PSD3: variants seen among roughly 807,000 people sequenced by gnomAD.
PSD3 encodes the protein pleckstrin and Sec7 domain containing 3.
A neutral mutation model predicts 105.5 loss-of-function variants in PSD3; 49 were observed. The observed-to-expected ratio is 0.46, with a 90% CI of 0.37 to 0.59. The LOEUF (loss-of-function observed/expected upper bound fraction) is 0.59. PSD3 is among the 20% of genes least tolerant of loss of function. The pLI, the probability that PSD3 is intolerant of heterozygous loss-of-function variation, is 0.00. For synonymous variants in PSD3, 557 were observed against 457.8 expected (o/e 1.22, Z -2.77); for missense variants, 1,561 against 1,263.8 (o/e 1.24, Z -3.57).
At chr8:18,746,347 C>T (rs1160307159) in intron 9 of PSD3, among the ~76,000 whole-genome samples, 3 of 152,184 alleles carry the variant, frequency 2.0e-5, no homozygotes, top group Non-Finnish European at 4.4e-5. Context: ...TGCTGAAAGC[C>T]GTTTTCATAA....
intron 1 of PSD3, among the ~76,000 whole-genome samples, chr8:19,071,062 T>C (rs1057148767): frequency 1.8e-4 from 28 of 152,010 alleles, no homozygotes; most frequent in African/African-American, 6.3e-4. Flanking sequence ...TCTTTTTTTT[T>C]TGGAAGGGGG....
At chr8:18,971,962 G>A (rs1824679292) in intron 1 of PSD3, among the ~76,000 whole-genome samples, 3 of 152,004 alleles carry the variant, frequency 2.0e-5, no homozygotes, top group African/African-American at 4.8e-5. Context: ...CCGAGATCAC[G>A]CCACAGCACA....
At chr8:18,857,700 T>C (rs1323743596) in intron 4 of PSD3, among the ~76,000 whole-genome samples, 1 of 152,200 alleles carries the variant, frequency 6.6e-6, no homozygotes, top group African/African-American at 2.4e-5. Flanking sequence ...CTTGGACCTC[T>C]TGGTAAAATG....
chr8:19,081,148 C>G (rs1343297267), intron 1 of PSD3, among the ~76,000 whole-genome samples: 1 of 152,218 alleles, frequency 6.6e-6, no homozygotes, highest in Non-Finnish European at 1.5e-5. Context: ...CTGATTCACA[C>G]TGACAGACTC....
intron 9 of PSD3, among the ~76,000 whole-genome samples, chr8:18,682,886 CTG>C (rs771415585): frequency 1.8e-4 from 28 of 152,220 alleles, no homozygotes; most frequent in Non-Finnish European, 3.5e-4. Flanking sequence ...TGAAATGACA[CTG>C]AGATCCACCT....
At chr8:18,538,383 G>T (rs929185290) in intron 15 of PSD3, among the ~76,000 whole-genome samples, 1 of 152,192 alleles carries the variant, frequency 6.6e-6, no homozygotes, top group African/African-American at 2.4e-5. Context: ...GATGCACTAT[G>T]AAATCAGAGG....
intron 9 of PSD3, among the ~76,000 whole-genome samples, chr8:18,728,397 C>T (rs1426119585): frequency 6.6e-6 from 1 of 152,138 alleles, no homozygotes; most frequent in Non-Finnish European, 1.5e-5. Flanking sequence ...AGAAAGAACA[C>T]TTAGACTTTG....
At chr8:19,073,257 T>C (rs1393320897) in intron 1 of PSD3, among the ~76,000 whole-genome samples, 1 of 152,072 alleles carries the variant, frequency 6.6e-6, no homozygotes, top group African/African-American at 2.4e-5. Flanking sequence ...GCTTCATGAT[T>C]AAGACAGGCC....
In PSD3 at chr8:18,871,892, T is replaced by C. The variant is rs1269803068; in HGVS notation, c.972A>G (p.Thr324=). 6 of 1,614,228 alleles carry C rather than the reference T, an allele frequency of 3.7e-6. No homozygotes were observed. Among genetic ancestry groups the C allele is most frequent in the East Asian group, 4.5e-5 (2 of 44,884 alleles). The change falls in exon 3 of 16, where the codon ACA becomes ACG. Residue 324 remains threonine, a synonymous_variant. Transcript: ENST00000327040. The part of the protein sequence containing the change: ...RETQHPIDFE[T]SLQRTASPDS... ...CAGGAGAGGCTGTTCTTTGCAGTGA[T>C]GTCTCAAAATCTATAGGATGCTGGG...
chr8:18,564,326 G>A (rs917070975), intron 14 of PSD3, among the ~76,000 whole-genome samples: 1 of 152,100 alleles, frequency 6.6e-6, no homozygotes, highest in Admixed American at 6.6e-5. Flanking sequence ...GAAGCAGTAG[G>A]TGTAGAATAT....
chr8:18,547,922 G>C (rs2130049908), intron 15 of PSD3, among the ~76,000 whole-genome samples: 1 of 152,172 alleles, frequency 6.6e-6, no homozygotes, highest in South Asian at 2.1e-4. Flanking sequence ...CCTTATTACA[G>C]TCTATGATGC....
chr8:19,070,386 C>CT, intron 1 of PSD3, among the ~76,000 whole-genome samples: 1 of 137,490 alleles, frequency 7.3e-6, no homozygotes, highest in Non-Finnish European at 1.6e-5. Flanking sequence ...AAAAAAAAAA[C>CT]CCACAAAAAT....
At chr8:18,733,832 A>C (rs1265605033) in intron 9 of PSD3, 1 of 152,646 alleles carries the variant, frequency 6.6e-6, no homozygotes, top group Non-Finnish European at 1.5e-5. Context: ...GAAGCCTGCA[A>C]ATCATTTAGG....
Position 18,841,655 on chromosome 8 carries a change from T to G in PSD3, c.1634+26019A>C, listed in dbSNP as rs1361094845. Among the ~76,000 whole-genome samples the G allele has an allele frequency of 2.6e-5, 4 of 152,172 alleles. No homozygotes were observed. The East Asian group carries it at 7.7e-4, about 29-fold the overall frequency. On this transcript the variant is annotated intron_variant, in intron 4 of 15. Transcript: ENST00000327040. ...CCAGCTAGTATCAACCAGTCATGCC[T>G]AGGCGACTCAAGTATAATGAAGATA...
intron 2 of PSD3, among the ~76,000 whole-genome samples, chr8:18,927,176 G>A (rs1821426421): frequency 6.6e-6 from 1 of 152,126 alleles, no homozygotes; most frequent in Non-Finnish European, 1.5e-5. Flanking sequence ...CATGTGTTCA[G>A]CTACCCAAAA....
chr8:18,655,413 G>A (rs1186584088), intron 10 of PSD3, among the ~76,000 whole-genome samples: 1 of 151,878 alleles, frequency 6.6e-6, no homozygotes, highest in Non-Finnish European at 1.5e-5. Flanking sequence ...AACACACTGA[G>A]TACCAAAAAA....
chr8:18,588,658 C>G (rs1367603979), intron 12 of PSD3, among the ~76,000 whole-genome samples: 1 of 152,204 alleles, frequency 6.6e-6, no homozygotes, highest in Non-Finnish European at 1.5e-5. Flanking sequence ...TTGCCACACT[C>G]CAGAGCTATC....
At chr8:18,799,648 C>G (rs146682535) in intron 7 of PSD3, among the ~76,000 whole-genome samples, 2 of 152,140 alleles carry the variant, frequency 1.3e-5, no homozygotes, top group Admixed American at 1.3e-4. Flanking sequence ...GCTTCTAGGG[C>G]TTTGCACTAC....
At chr8:19,002,711 T>C (rs1417657015) in intron 1 of PSD3, among the ~76,000 whole-genome samples, 2 of 152,108 alleles carry the variant, frequency 1.3e-5, no homozygotes, top group African/African-American at 2.4e-5. Context: ...TTATACTACA[T>C]GAATAAATAA....
Sources: allele counts gnomAD v4.1 joint callset (sites outside exome capture counted in the v4.1 genomes callset), GRCh38; gene constraint gnomAD v4.1.1; transcripts MANE v1.5; gene names NCBI Gene and HGNC (gene_info 2026-07-23, HGNC 2026-07-21).